The following ENOX2 variants were observed in gnomAD, a reference collection of about 807,000 sequenced individuals.
ENOX2 encodes the protein APK1 antigen.
In ENOX2, 36 loss-of-function variants were observed where a neutral mutation model predicts 45.0. The observed-to-expected ratio is 0.80, with a 90% CI of 0.61 to 1.06. The LOEUF (loss-of-function observed/expected upper bound fraction) is 1.06. Ranked by LOEUF, ENOX2 falls within the 50% of genes least tolerant of loss-of-function variation. The probability of loss-of-function intolerance (pLI) is 0.00; values close to 1 mark genes in which losing one functional copy is unlikely to be tolerated. For synonymous variants in ENOX2, 174 were observed against 152.3 expected (o/e 1.14, Z -1.05); for missense variants, 423 against 462.5 (o/e 0.91, Z 0.78).
chrX:130,807,909 T>C (rs770064938), intron 2 of ENOX2, among the ~76,000 whole-genome samples: 17 of 112,383 alleles, frequency 1.5e-4, no homozygotes, highest in Admixed American at 7.5e-4. Flanking sequence ...AATGAGGATA[T>C]TATCTACTTC....
intron 10 of ENOX2, chrX:130,645,630 G>A (rs995244064): frequency 3.5e-5 from 14 of 395,459 alleles, no homozygotes; most frequent in African/African-American, 1.3e-4. Context: ...CATGGGGCCC[G>A]CGCCCGCCTG....
At chrX:130,862,257 T>C (rs896497592) in intron 2 of ENOX2, among the ~76,000 whole-genome samples, 9 of 111,128 alleles carry the variant, frequency 8.1e-5, no homozygotes, top group Non-Finnish European at 1.7e-4. Context: ...TAAACCCTAG[T>C]TCCTTGAACA....
chrX:130,817,774 G>T (rs1391033600), intron 2 of ENOX2, among the ~76,000 whole-genome samples: 2 of 111,901 alleles, frequency 1.8e-5, no homozygotes, highest in Non-Finnish European at 3.8e-5. Context: ...TTTCAAAATA[G>T]TAAGAGCTAT....
At chrX:130,650,277 G>A (rs1238568434) in intron 10 of ENOX2, among the ~76,000 whole-genome samples, 1 of 111,809 alleles carries the variant, frequency 8.9e-6, no homozygotes, top group Non-Finnish European at 1.9e-5. Flanking sequence ...GACTGTTTTT[G>A]TCCTGGGGGA....
chrX:130,765,091 GCTACATA>G (rs1483969568), intron 3 of ENOX2, among the ~76,000 whole-genome samples: 4 of 111,088 alleles, frequency 3.6e-5, no homozygotes, highest in Admixed American at 1.9e-4. Flanking sequence ...AAAGCATTGG[GCTACATA>G]CTTTATGAAT....
chrX:130,860,056 A>G lies in ENOX2; in HGVS notation c.-183+41628T>C, dbSNP rs748003096. On this transcript the variant is annotated intron_variant, in intron 2 of 14. Transcript: ENST00000394363. ...CTGCAACCTCTGCCTCCTGGGATCA[A>G]GCGATTCTGTTGTGTCAGCCTCCTG... Among the ~76,000 whole-genome samples the G allele has an allele frequency of 2.2e-4, 24 of 110,333 alleles. No homozygotes were observed. The Admixed American group carries it at 2.3e-3, about 11-fold the overall frequency.
chrX:130,825,646 T>C (rs1484133419), intron 2 of ENOX2, among the ~76,000 whole-genome samples: 2 of 111,636 alleles, frequency 1.8e-5, no homozygotes, highest in African/African-American at 6.5e-5. Context: ...AAGTTTTAAA[T>C]TGTACACCAT....
At chrX:130,854,224 G>GA (rs1158005142) in intron 2 of ENOX2, among the ~76,000 whole-genome samples, 1 of 111,404 alleles carries the variant, frequency 9.0e-6, no homozygotes, top group Non-Finnish European at 1.9e-5. Flanking sequence ...AAAACCAAAT[G>GA]AAAAAATTAA....
At chrX:130,679,262 G>A (rs2037235685) in intron 6 of ENOX2, among the ~76,000 whole-genome samples, 1 of 111,058 alleles carries the variant, frequency 9.0e-6, no homozygotes, top group Non-Finnish European at 1.9e-5. Context: ...GGGACATGGT[G>A]TGTGAGGGAA....
intron 3 of ENOX2, among the ~76,000 whole-genome samples, chrX:130,729,036 A>G (rs1224273312): frequency 1.8e-5 from 2 of 111,306 alleles, no homozygotes; most frequent in Non-Finnish European, 3.8e-5. Context: ...ACAGTGCTTA[A>G]AGCTCTATAG....
intron 6 of ENOX2, among the ~76,000 whole-genome samples, chrX:130,673,248 C>T (rs1037481908): frequency 1.3e-4 from 14 of 111,070 alleles, no homozygotes. Context: ...GAAGTGACAG[C>T]TTCCCCACGT....
At chrX:130,717,246 C>G (rs2038354792) in intron 3 of ENOX2, among the ~76,000 whole-genome samples, 1 of 111,813 alleles carries the variant, frequency 8.9e-6, no homozygotes, top group South Asian at 3.8e-4. Flanking sequence ...AGTACACAAC[C>G]CCACCAGTTC....
chrX:130,759,161 T>C (rs773155687), intron 3 of ENOX2, among the ~76,000 whole-genome samples: 95 of 111,529 alleles, frequency 8.5e-4, no homozygotes, highest in African/African-American at 2.9e-3. Context: ...TCTATTTTTT[T>C]CTCTAAAAGT....
chrX:130,668,104 G>A (rs2036887426), intron 7 of ENOX2, among the ~76,000 whole-genome samples: 1 of 109,853 alleles, frequency 9.1e-6, no homozygotes, highest in Admixed American at 9.7e-5. Context: ...AGAGAGAAGG[G>A]GGAAAGGGGG....
intron 4 of ENOX2, among the ~76,000 whole-genome samples, chrX:130,702,894 A>G (rs1057394900): frequency 1.8e-5 from 2 of 112,044 alleles, no homozygotes; most frequent in Non-Finnish European, 3.8e-5. Flanking sequence ...TAAAGCTTCA[A>G]TGACCCTAGC....
intron 3 of ENOX2, among the ~76,000 whole-genome samples, chrX:130,746,869 C>T (rs1300935176): frequency 8.9e-6 from 1 of 112,350 alleles, no homozygotes; most frequent in Non-Finnish European, 1.9e-5. Flanking sequence ...TGAGGACCTT[C>T]TCTCTCCATC....
chrX:130,662,918 A>G (rs759909524), intron 9 of ENOX2, among the ~76,000 whole-genome samples: 1 of 111,909 alleles, frequency 8.9e-6, no homozygotes, highest in Admixed American at 9.4e-5. Context: ...TACAAGGCAC[A>G]GCATGAAACA....
rs546526084 is a variant in ENOX2 at position 130,769,350 on chromosome X, A to G, written c.-39+14197T>C. Among the ~76,000 whole-genome samples the G allele has an allele frequency of 8.9e-5, 10 of 111,993 alleles. No individual in the cohort carries two copies. The South Asian group carries it at 3.8e-3, about 42-fold the overall frequency. The stretch of plus-strand genomic sequence containing the variant: ...ACCTAAAGATGTCACTAACATTTGG[A>G]CAAGGGAAATTTTGGAAAAGGACAA... On this transcript the variant is annotated intron_variant, in intron 3 of 14. Transcript: ENST00000394363.
chrX:130,689,859 C>T (rs892048537), intron 4 of ENOX2, among the ~76,000 whole-genome samples: 1 of 111,571 alleles, frequency 9.0e-6, no homozygotes, highest in African/African-American at 3.3e-5. Context: ...GGCCTATCTA[C>T]GTACATGGTT....
Sources: allele counts gnomAD v4.1 joint callset (sites outside exome capture counted in the v4.1 genomes callset), GRCh38; gene constraint gnomAD v4.1.1; transcripts MANE v1.5; gene names NCBI Gene and HGNC (gene_info 2026-07-23, HGNC 2026-07-21).